Variants in AGBL4 observed in about 807,000 individuals in gnomAD.
The protein encoded by AGBL4 is cytosolic carboxypeptidase 6.
Under a neutral mutation model 66.4 loss-of-function variants are expected in AGBL4, and 58 were observed. The observed-to-expected ratio is 0.87, with a 90% CI of 0.71 to 1.09. The LOEUF is 1.09. Ranked by LOEUF, AGBL4 falls within the 50% of genes least tolerant of loss-of-function variation. The pLI is 0.00. For missense variants in AGBL4, 579 were observed against 631.0 expected (o/e 0.92, Z 0.88); for synonymous variants, 234 against 222.9 (o/e 1.05, Z -0.44).
chr1:49,463,898 G>A (rs555251196), intron 3 of AGBL4, among the ~76,000 whole-genome samples: 1 of 151,872 alleles, frequency 6.6e-6, no homozygotes, highest in African/African-American at 2.4e-5. Flanking sequence ...TCTGTGCTGA[G>A]CCTAAGCTAA....
intron 3 of AGBL4, among the ~76,000 whole-genome samples, chr1:49,486,888 T>C (rs1342694787): frequency 1.3e-5 from 2 of 152,028 alleles, no homozygotes; most frequent in African/African-American, 4.8e-5. Flanking sequence ...GTATGAATAA[T>C]TTTCTCTCCA....
At chr1:49,137,608 T>C (rs1646036894) in intron 4 of AGBL4, among the ~76,000 whole-genome samples, 1 of 152,144 alleles carries the variant, frequency 6.6e-6, no homozygotes, top group South Asian at 2.1e-4. Flanking sequence ...GGTTCTTTAT[T>C]CTTAGGCCAG....
intron 5 of AGBL4, among the ~76,000 whole-genome samples, chr1:49,020,215 TC>T (rs112745484): frequency 0.012 from 1,810 of 152,194 alleles, 35 homozygotes; most frequent in African/African-American, 0.042. Flanking sequence ...GTTGTCACCA[TC>T]AACAAAACTA....
chr1:49,525,587 G>A (rs1650594886), intron 3 of AGBL4, among the ~76,000 whole-genome samples: 1 of 151,960 alleles, frequency 6.6e-6, no homozygotes, highest in African/African-American at 2.4e-5. Context: ...AAGAGGAGGG[G>A]GCAACAGGAA....
chr1:48,776,093 G>A (rs979853373), intron 6 of AGBL4, among the ~76,000 whole-genome samples: 1 of 152,160 alleles, frequency 6.6e-6, no homozygotes, highest in South Asian at 2.1e-4. Context: ...CCCTCTGTGA[G>A]GAGGGACTCC....
At chr1:49,804,712 T>G (rs1302385628) in intron 2 of AGBL4, among the ~76,000 whole-genome samples, 1 of 152,208 alleles carries the variant, frequency 6.6e-6, no homozygotes, top group African/African-American at 2.4e-5. Context: ...TAATTTGCAT[T>G]TTCATCAATT....
intron 3 of AGBL4, among the ~76,000 whole-genome samples, chr1:49,467,001 A>G (rs952477662): frequency 1.3e-5 from 2 of 151,844 alleles, no homozygotes; most frequent in African/African-American, 2.4e-5. Flanking sequence ...GAGTAATCCC[A>G]TTAAATCTTA....
intron 7 of AGBL4, among the ~76,000 whole-genome samples, chr1:48,658,912 C>T (rs551094399): frequency 1.3e-5 from 2 of 152,110 alleles, no homozygotes; most frequent in Admixed American, 6.5e-5. Flanking sequence ...CACAAAATAA[C>T]CCTGAGGAGT....
chr1:48,714,620 C>A (rs1318225548), intron 6 of AGBL4, among the ~76,000 whole-genome samples: 1 of 152,218 alleles, frequency 6.6e-6, no homozygotes, highest in Non-Finnish European at 1.5e-5. Context: ...ATCTACGATT[C>A]CACCAGAGTG....
intron 3 of AGBL4, among the ~76,000 whole-genome samples, chr1:49,523,612 A>G (rs1378299544): frequency 6.6e-6 from 1 of 152,104 alleles, no homozygotes; most frequent in African/African-American, 2.4e-5. Context: ...AAGGAAGACT[A>G]TATTCTGAAA....
chr1:50,012,234 G>T (rs553050715), intron 1 of AGBL4, among the ~76,000 whole-genome samples: 3 of 151,506 alleles, frequency 2.0e-5, no homozygotes, highest in Non-Finnish European at 4.4e-5. Context: ...TGGGGATATG[G>T]ATTGAAAAAA....
At chr1:49,751,863 A>G (rs896756873) in intron 2 of AGBL4, among the ~76,000 whole-genome samples, 5 of 152,136 alleles carry the variant, frequency 3.3e-5, no homozygotes, top group South Asian at 2.1e-4. Context: ...TTTATTTTGC[A>G]TAGAGATTTT....
chr1:50,006,021 C>A (rs2148427581), intron 1 of AGBL4, among the ~76,000 whole-genome samples: 1 of 152,186 alleles, frequency 6.6e-6, no homozygotes, highest in East Asian at 1.9e-4. Context: ...CCTCAAAGGG[C>A]ATATCCAAGA....
At chr1:49,532,668 G>A (rs747187472) in intron 3 of AGBL4, among the ~76,000 whole-genome samples, 82 of 152,000 alleles carry the variant, frequency 5.4e-4, no homozygotes, top group Non-Finnish European at 1.0e-3. Flanking sequence ...CAAAGAAAAG[G>A]GAATCAAGAA....
intron 1 of AGBL4, among the ~76,000 whole-genome samples, chr1:49,876,656 C>T (rs1647017018): frequency 3.9e-5 from 1 of 25,896 alleles, no homozygotes. Context: ...TTTTTGGTTC[C>T]ATATGAACTT....
intron 3 of AGBL4, among the ~76,000 whole-genome samples, chr1:49,367,088 G>A (rs963311683): frequency 6.6e-6 from 1 of 152,156 alleles, no homozygotes; most frequent in Non-Finnish European, 1.5e-5. Context: ...GCACAAAACA[G>A]GATGGATAAT....
intron 10 of AGBL4, among the ~76,000 whole-genome samples, chr1:48,587,570 CTAGGCAACA>C (rs1644843148): frequency 6.6e-6 from 1 of 151,772 alleles, no homozygotes; most frequent in African/African-American, 2.4e-5. Context: ...TGAGTTCAGC[CTAGGCAACA>C]TAGTGAGACC....
intron 3 of AGBL4, among the ~76,000 whole-genome samples, chr1:49,266,481 T>C (rs562672452): frequency 6.6e-6 from 1 of 152,258 alleles, no homozygotes; most frequent in South Asian, 2.1e-4. Flanking sequence ...TTCAAACATA[T>C]TCATTTAATC....
intron 11 of AGBL4, among the ~76,000 whole-genome samples, chr1:48,540,590 C>T (rs1457855788): frequency 2.6e-5 from 4 of 152,104 alleles, no homozygotes; most frequent in Admixed American, 1.3e-4. Context: ...AACTGTGATT[C>T]GTGCCCTTGC....
Sources: allele counts gnomAD v4.1 joint callset (sites outside exome capture counted in the v4.1 genomes callset), GRCh38; gene constraint gnomAD v4.1.1; transcripts MANE v1.5; gene names NCBI Gene and HGNC (gene_info 2026-07-23, HGNC 2026-07-21).